ERI3: variants seen among roughly 807,000 people sequenced by gnomAD.
The protein encoded by ERI3 is ERI1 exoribonuclease 3.
In ERI3, 18 loss-of-function variants were observed where a neutral mutation model predicts 44.4. The observed-to-expected ratio is 0.41, with a 90% CI of 0.28 to 0.60. ERI3 has a LOEUF of 0.60. Ranked by LOEUF, ERI3 falls within the 20% of genes least tolerant of loss-of-function variation. The pLI is 0.36. For synonymous variants in ERI3, 183 were observed against 164.8 expected (o/e 1.11, Z -0.84); for missense variants, 294 against 435.5 (o/e 0.68, Z 2.89).
intron 7 of ERI3, among the ~76,000 whole-genome samples, chr1:44,264,908 T>C (rs1644960347): frequency 6.6e-6 from 1 of 152,210 alleles, no homozygotes; most frequent in Non-Finnish European, 1.5e-5. Flanking sequence ...GTTTTACTAA[T>C]CTCTCAGAAG....
chr1:44,259,660 G>A (rs1300532486), intron 7 of ERI3, among the ~76,000 whole-genome samples: 1 of 140,756 alleles, frequency 7.1e-6, no homozygotes, highest in African/African-American at 2.7e-5. Flanking sequence ...TAGGCAACGT[G>A]GCAAAATCCT....
chr1:44,241,998 C>T lies in ERI3; in HGVS notation c.931+5941G>A, dbSNP rs1490263653. 1 of 985,618 alleles carries T rather than the reference C, an allele frequency of 1.0e-6. No homozygotes were observed. The highest frequency in any genetic ancestry group is 1.7e-5 in the African/African-American group (1 of 57,232). The allele number at this position is 985,618 out of a possible 1,614,324, so 61.1% of individuals were successfully genotyped here. A position where few individuals can be genotyped will look rare whatever the true frequency, so the allele number is the denominator to read the frequency against. On this transcript the variant is annotated intron_variant, in intron 8 of 8. Transcript: ENST00000372257. The surrounding 1 kb of genome is among the most constrained non-coding windows in gnomAD (Gnocchi z 5.6). ...GCAAGAACCAATTCCTCAGATGTCT[C>T]TGGGGCTCCAAGGGGGTCAGCTCAG...
At chr1:44,346,262 T>TA (rs1646781031) in intron 2 of ERI3, among the ~76,000 whole-genome samples, 1 of 152,196 alleles carries the variant, frequency 6.6e-6, no homozygotes, top group Admixed American at 6.5e-5. Context: ...CCAGCAGAGC[T>TA]AAAATCACTA....
At chr1:44,352,730 A>T in intron 2 of ERI3, 120 bp downstream of exon 2, 1 of 1,035,404 alleles carries the variant, frequency 9.7e-7, no homozygotes, top group Non-Finnish European at 1.4e-6. Flanking sequence ...TGATTCGTTT[A>T]GACTTTGGGG....
In ERI3 at chr1:44,221,770, C is replaced by T; in HGVS notation, c.932-130G>A. 4.3e-6 allele frequency: 3 copies of T among 704,988 alleles called. No homozygotes were observed. Among genetic ancestry groups the T allele is most frequent in the Non-Finnish European group, 7.4e-6 (3 of 404,312 alleles). 43.7% of individuals were successfully genotyped at this position (704,988 alleles called of 1,614,324 possible). A position where few individuals can be genotyped will look rare whatever the true frequency, so the allele number is the denominator to read the frequency against. ...ACACAGGCTTTAGAGAGGGTGGTCCCATCCCCTGGTGGCAGCATTCCTAGC... is the reference window on the plus strand; with the variant it reads ...ACACAGGCTTTAGAGAGGGTGGTCCTATCCCCTGGTGGCAGCATTCCTAGC... On this transcript the variant is annotated intron_variant, in intron 8 of 8. Coordinates refer to ENST00000372257, the MANE Select transcript of ERI3 (RefSeq NM_024066.3). The surrounding 1 kb of genome is among the most constrained non-coding windows in gnomAD (Gnocchi z 5.9).
intron 8 of ERI3, among the ~76,000 whole-genome samples, chr1:44,247,150 A>T (rs973388517): frequency 9.9e-5 from 15 of 152,140 alleles, no homozygotes; most frequent in Non-Finnish European, 2.2e-4. Context: ...AAATACAGAT[A>T]TACTGTTACA....
chr1:44,264,574 C>G (rs560913539), intron 7 of ERI3, among the ~76,000 whole-genome samples: 2 of 152,212 alleles, frequency 1.3e-5, no homozygotes, highest in African/African-American at 4.8e-5. Flanking sequence ...AATGAAGCTC[C>G]GGGTGGGGTC....
intron 7 of ERI3, among the ~76,000 whole-genome samples, chr1:44,249,432 T>G (rs1224500021): frequency 6.6e-6 from 1 of 152,144 alleles, no homozygotes; most frequent in Non-Finnish European, 1.5e-5. Context: ...CTGCACACAG[T>G]GTCTGTGCCA....
intron 1 of ERI3, chr1:44,353,364 A>C: frequency 1.0e-6 from 1 of 985,492 alleles, no homozygotes; most frequent in Non-Finnish European, 1.2e-6. Context: ...AAACACTTTC[A>C]GGATAGTTCC....
Position 44,355,196 on chromosome 1 carries a change from C to G in ERI3, c.-170G>C, listed in dbSNP as rs561550470. 11 of 1,197,786 alleles carry G rather than the reference C, an allele frequency of 9.2e-6. No homozygotes were observed. Among genetic ancestry groups the G allele is most frequent in the Non-Finnish European group, 1.1e-5 (11 of 966,084 alleles). The allele number at this position is 1,197,786 out of a possible 1,614,324, so 74.2% of individuals were successfully genotyped here. On this transcript the variant is annotated 5_prime_UTR_variant, in exon 1 of 9. Coordinates refer to ENST00000372257, the MANE Select transcript of ERI3 (RefSeq NM_024066.3). The stretch of plus-strand genomic sequence containing the variant: ...AGGGCCAGCTCCGCCCGCTCCCCAC[C>G]GCCCGTTCCCGGCCGCCTGAACAGC...
chr1:44,271,863 G>A (rs1179673720), intron 7 of ERI3, among the ~76,000 whole-genome samples: 1 of 152,202 alleles, frequency 6.6e-6, no homozygotes, highest in African/African-American at 2.4e-5. Context: ...GGAATCAAGG[G>A]TGTGAGATGA....
chr1:44,258,723 C>G (rs906313611), intron 7 of ERI3, among the ~76,000 whole-genome samples: 12 of 152,168 alleles, frequency 7.9e-5, no homozygotes, highest in Admixed American at 7.9e-4. Context: ...AGGCTAGGAG[C>G]TCAGACCAGT....
In ERI3 at chr1:44,354,830, A is replaced by C. The variant is rs1393758145; in HGVS notation, c.135+62T>G. On this transcript the variant is annotated intron_variant, in intron 1 of 8. Coordinates refer to ENST00000372257, the MANE Select transcript of ERI3 (RefSeq NM_024066.3). ...GGTTGCATAAATTCTGCGCACCGCG[A>C]CCCTCACCCCGCATGCATTAACCAG... 5 of 1,311,092 alleles carry C rather than the reference A, an allele frequency of 3.8e-6. No individual in the cohort carries two copies. In the East Asian group the frequency reaches 8.4e-5, roughly 22 times the overall value. 81.2% of individuals were successfully genotyped at this position (1,311,092 alleles called of 1,614,324 possible). A position where few individuals can be genotyped will look rare whatever the true frequency, so the allele number is the denominator to read the frequency against.
chr1:44,314,992 C>T (rs756946069), intron 4 of ERI3, among the ~76,000 whole-genome samples: 3 of 152,202 alleles, frequency 2.0e-5, no homozygotes, highest in Non-Finnish European at 2.9e-5. Flanking sequence ...TTATTACCAA[C>T]CCCAGATTAG....
Position 44,221,791 on chromosome 1 carries a change from C to T in ERI3, c.932-151G>A, listed in dbSNP as rs1643903760. ...GTCCCATCCCCTGGTGGCAGCATTC[C>T]TAGCTTCAGGTTGGTCTGGGTGATG... is the stretch of plus-strand genomic sequence containing the variant. On this transcript the variant is annotated intron_variant, in intron 8 of 8. Transcript: ENST00000372257. This position sits in a 1 kb window ranked among gnomAD's most constrained non-coding sequence, Gnocchi z 5.9. 1 of 650,058 alleles carries T rather than the reference C, an allele frequency of 1.5e-6. No homozygotes were observed. The highest frequency in any genetic ancestry group is 2.8e-6 in the Non-Finnish European group (1 of 363,090). The allele number at this position is 650,058 out of a possible 1,614,324, so 40.3% of individuals were successfully genotyped here.
rs3054072 is a variant in ERI3 at position 44,272,841 on chromosome 1, A to AAAAATAAAATAAAAT, written c.831+11979_831+11993dup. 2.5e-3 allele frequency among the ~76,000 whole-genome samples: 364 copies of AAAAATAAAATAAAAT among 146,630 alleles called. 3 individuals carry two copies. Among genetic ancestry groups the AAAAATAAAATAAAAT allele is most frequent in the Admixed American group, 3.8e-3 (56 of 14,684 alleles). ...GGTGACAGAGCAAGAGACTGTCTCA[A>AAAAATAAAATAAAAT]AAAATAAAATAAAATAAAATAAAAT... On this transcript the variant is annotated intron_variant, in intron 7 of 8. Transcript: ENST00000372257.
intron 8 of ERI3, among the ~76,000 whole-genome samples, chr1:44,226,778 AACACACACACAC>A (rs60011057): frequency 2.8e-4 from 40 of 143,468 alleles, no homozygotes; most frequent in African/African-American, 6.3e-4. Context: ...AGCATTATTA[AACACACACACAC>A]ACACACACAC....
chr1:44,339,195 C>T lies in ERI3; in HGVS notation c.339G>A (p.Pro113=), dbSNP rs539344905. Reference sequence around the variant, plus strand: ...TTCTGGTGGATATGGAGCAGAACTCCGGAACACCACAGGGAGAAAATAAGT... The same window carrying T: ...TTCTGGTGGATATGGAGCAGAACTCTGGAACACCACAGGGAGAAAATAAGT... ...GSHLFSPCGV[P]EFCSISTRKL... Residue 113 remains proline, a synonymous_variant, in exon 3 of 9, where the codon CCG becomes CCA. Transcript: ENST00000372257. The T allele has an allele frequency of 2.5e-6, 4 of 1,613,896 alleles. No homozygotes were observed. The highest frequency in any genetic ancestry group is 1.3e-5 in the African/African-American group (1 of 74,854).
At chr1:44,310,963 G>GCGCGCA (rs1373873768) in intron 5 of ERI3, among the ~76,000 whole-genome samples, 17 of 123,256 alleles carry the variant, frequency 1.4e-4, no homozygotes, top group Admixed American at 4.8e-4. Context: ...GCGCGCGCGC[G>GCGCGCA]CACACACACA....
Sources: allele counts gnomAD v4.1 joint callset (sites outside exome capture counted in the v4.1 genomes callset), GRCh38; gene constraint gnomAD v4.1.1; non-coding constraint Gnocchi (gnomAD v3.1); transcripts MANE v1.5; gene names NCBI Gene and HGNC (gene_info 2026-07-23, HGNC 2026-07-21).